Variants in DAB1 observed in about 807,000 individuals in gnomAD.
DAB1 encodes disabled homolog 1.
Under a neutral mutation model 64.6 loss-of-function variants are expected in DAB1, and 15 were observed. That is an observed-to-expected ratio of 0.23 (90% CI 0.16 to 0.36). DAB1 has a LOEUF of 0.36. Among genes scored for constraint, DAB1 ranks in the 10% least tolerant of loss-of-function variants. The probability of loss-of-function intolerance (pLI) is 1.00; values close to 1 mark genes in which losing one functional copy is unlikely to be tolerated. For missense variants in DAB1, 596 were observed against 706.7 expected (o/e 0.84, Z 1.78); for synonymous variants, 235 against 251.9 (o/e 0.93, Z 0.64).
intron 6 of DAB1, among the ~76,000 whole-genome samples, chr1:57,755,224 C>T (rs910362323): frequency 2.2e-4 from 34 of 151,988 alleles, no homozygotes; most frequent in South Asian, 2.1e-3. Context: ...TCTAAAAATC[C>T]CTGTTGGGAT....
At chr1:58,533,860 A>G (rs1646474849) in intron 1 of DAB1, 3 of 763,974 alleles carry the variant, frequency 3.9e-6, no homozygotes, top group South Asian at 1.5e-5. Flanking sequence ...TATCATTTTT[A>G]AAAAACCTGA....
At chr1:57,660,389 G>A (rs1646372494) in intron 6 of DAB1, among the ~76,000 whole-genome samples, 1 of 152,110 alleles carries the variant, frequency 6.6e-6, no homozygotes, top group Non-Finnish European at 1.5e-5. Context: ...GCCTCTTCTT[G>A]GGGCCCCAGG....
At chr1:58,292,034 C>T (rs1169182085) in intron 4 of DAB1, among the ~76,000 whole-genome samples, 1 of 152,158 alleles carries the variant, frequency 6.6e-6, no homozygotes, top group Non-Finnish European at 1.5e-5. Flanking sequence ...GAACAAAAGG[C>T]AGAGGAAGGA....
chr1:58,347,703 C>T (rs1188404408), intron 3 of DAB1, among the ~76,000 whole-genome samples: 1 of 152,234 alleles, frequency 6.6e-6, no homozygotes, highest in Non-Finnish European at 1.5e-5. Context: ...CCAAACCCTG[C>T]AAACAACATT....
At chr1:57,557,192 C>A (rs754061867) in intron 7 of DAB1, among the ~76,000 whole-genome samples, 1 of 152,110 alleles carries the variant, frequency 6.6e-6, no homozygotes, top group East Asian at 1.9e-4. Context: ...CAACTGCCAG[C>A]ATGGCTAGAA....
chr1:57,708,537 CATGA>C lies in DAB1; in HGVS notation n.552-58876_552-58873del, dbSNP rs199569174. Among the ~76,000 whole-genome samples, 239 of 152,314 alleles carry C rather than the reference CATGA, an allele frequency of 1.6e-3. 3 individuals are homozygous for C. In the East Asian group the frequency reaches 0.041, roughly 26 times the overall value. On this transcript the variant is annotated intron_variant and non_coding_transcript_variant, in intron 6 of 20. Coordinates refer to the DAB1 transcript ENST00000485760. Reference sequence around the variant, plus strand: ...TGCCCTAGGACTGTGGTCCTTGTGGCATGACTGCTACTCAAATTTATTCTGGGTC... The same window carrying C: ...TGCCCTAGGACTGTGGTCCTTGTGGCCTGCTACTCAAATTTATTCTGGGTC...
At chr1:58,031,941 A>T (rs1177149527) in intron 5 of DAB1, among the ~76,000 whole-genome samples, 1 of 151,612 alleles carries the variant, frequency 6.6e-6, no homozygotes, top group African/African-American at 2.4e-5. Context: ...TAAAAAAAAA[A>T]ATCTTCCCTT....
intron 5 of DAB1, among the ~76,000 whole-genome samples, chr1:57,973,488 C>T (rs183520056): frequency 4.1e-4 from 62 of 152,286 alleles, no homozygotes; most frequent in Non-Finnish European, 2.9e-4. Flanking sequence ...TAAACACATA[C>T]TCTATACATG....
chr1:58,475,477 A>AACACACAC lies in DAB1; in HGVS notation n.257+30575_257+30582dup, dbSNP rs112408529. Among the ~76,000 whole-genome samples the AACACACAC allele has an allele frequency of 5.5e-3, 808 of 148,222 alleles. 1 individual carries two copies. Among genetic ancestry groups the AACACACAC allele is most frequent in the African/African-American group, 0.015 (595 of 40,426 alleles). ...GTGCCTGGCTGAATTAGGTTAATTA[A>AACACACAC]ACACACACACACACACACACACACA... On this transcript the variant is annotated intron_variant and non_coding_transcript_variant, in intron 3 of 20. Coordinates refer to the DAB1 transcript ENST00000485760.
chr1:57,373,399 GA>G (rs1001270252), intron 1 of DAB1, among the ~76,000 whole-genome samples: 1 of 152,118 alleles, frequency 6.6e-6, no homozygotes, highest in Non-Finnish European at 1.5e-5. Flanking sequence ...CTAGAAGAAA[GA>G]AAAATGTGTG....
intron 5 of DAB1, among the ~76,000 whole-genome samples, chr1:58,058,578 G>A (rs1036478153): frequency 1.3e-5 from 2 of 152,048 alleles, no homozygotes; most frequent in African/African-American, 4.8e-5. Flanking sequence ...GAGACCATCC[G>A]GGGGCTTCAT....
chr1:58,364,364 G>A (rs992594247), intron 3 of DAB1, among the ~76,000 whole-genome samples: 5 of 152,178 alleles, frequency 3.3e-5, no homozygotes, highest in African/African-American at 4.8e-5. Flanking sequence ...CAAATGGGGA[G>A]CAGAAAGTCC....
intron 7 of DAB1, among the ~76,000 whole-genome samples, chr1:57,579,894 T>C (rs1645291833): frequency 6.6e-6 from 1 of 152,292 alleles, no homozygotes; most frequent in Middle Eastern, 3.4e-3. Flanking sequence ...ACACTCACAG[T>C]TCTCTGAGGA....
intron 3 of DAB1, among the ~76,000 whole-genome samples, chr1:58,434,556 A>G (rs822162): frequency 0.61 from 91,983 of 151,966 alleles, 28,901 homozygotes; most frequent in African/African-American, 0.78. Flanking sequence ...TGTTGAGTTA[A>G]GGATATCTAT....
intron 4 of DAB1, among the ~76,000 whole-genome samples, chr1:57,106,961 T>G (rs958830104): frequency 3.9e-5 from 6 of 152,114 alleles, no homozygotes; most frequent in African/African-American, 1.4e-4. Context: ...TATCTACAGA[T>G]AGGTGGTCAG....
At chr1:57,865,696 A>C (rs1654267468) in intron 1 of DAB1, among the ~76,000 whole-genome samples, 1 of 152,100 alleles carries the variant, frequency 6.6e-6, no homozygotes, top group African/African-American at 2.4e-5. Context: ...AGGAAATCTC[A>C]ACACATTTGT....
chr1:57,763,146 T>C (rs1354013585), intron 6 of DAB1, among the ~76,000 whole-genome samples: 4 of 152,210 alleles, frequency 2.6e-5, no homozygotes, highest in Non-Finnish European at 5.9e-5. Context: ...TTCTCTTCAT[T>C]GTATGGAACC....
intron 2 of DAB1, among the ~76,000 whole-genome samples, chr1:57,256,131 C>G (rs1036582535): frequency 3.3e-5 from 5 of 152,168 alleles, no homozygotes; most frequent in African/African-American, 1.2e-4. Flanking sequence ...GGCAATTTTA[C>G]ATTTCACATC....
intron 1 of DAB1, chr1:58,533,893 T>C (rs1394266342): frequency 1.2e-6 from 1 of 831,788 alleles, no homozygotes; most frequent in Non-Finnish European, 2.1e-6. Context: ...CTTTAAAAGA[T>C]TTAACTTGTT....
Sources: allele counts gnomAD v4.1 joint callset (sites outside exome capture counted in the v4.1 genomes callset), GRCh38; gene constraint gnomAD v4.1.1; transcripts MANE v1.5; gene names NCBI Gene and HGNC (gene_info 2026-07-23, HGNC 2026-07-21).